The following LRRC4C variants were observed in gnomAD, a reference collection of about 807,000 sequenced individuals.
LRRC4C encodes leucine-rich repeat-containing protein 4C.
A neutral mutation model predicts 33.6 loss-of-function variants in LRRC4C; 5 were observed. That is an observed-to-expected ratio of 0.15 (90% confidence interval 0.08 to 0.31). The LOEUF is 0.31. LRRC4C is among the 10% of genes least tolerant of loss of function. LRRC4C has a pLI of 1.00. For synonymous variants in LRRC4C, 329 were observed against 302.0 expected (o/e 1.09, Z -0.93); for missense variants, 560 against 796.7 (o/e 0.70, Z 3.58).
intron 1 of LRRC4C, among the ~76,000 whole-genome samples, chr11:41,208,421 T>G (rs998892144): frequency 6.6e-6 from 1 of 152,180 alleles, no homozygotes; most frequent in Non-Finnish European, 1.5e-5. Flanking sequence ...CTGTGCATGT[T>G]GCCAAAAAAT....
rs72885161 is a variant in LRRC4C at position 40,547,330 on chromosome 11, A to G, written c.-270+100812T>C. ...CATGGCACTGAAAGGCTAAAGTACTAGAAGTGATCTTGAAGCCAAATTCTG... is the reference window on the plus strand; with the variant it reads ...CATGGCACTGAAAGGCTAAAGTACTGGAAGTGATCTTGAAGCCAAATTCTG... On this transcript the variant is annotated intron_variant, in intron 3 of 6. Transcript: ENST00000528697. Among the ~76,000 whole-genome samples the G allele has an allele frequency of 3.6e-3, 544 of 152,202 alleles. 2 individuals are homozygous for G. Among genetic ancestry groups the G allele is most frequent in the Non-Finnish European group, 6.0e-3 (406 of 67,976 alleles).
At chr11:40,238,298 A>G (rs1865702100) in intron 5 of LRRC4C, among the ~76,000 whole-genome samples, 1 of 152,158 alleles carries the variant, frequency 6.6e-6, no homozygotes, top group African/African-American at 2.4e-5. Context: ...ATGTTCTTAA[A>G]TATCTGTAAG....
At chr11:41,287,895 C>T (rs992530683) in intron 1 of LRRC4C, among the ~76,000 whole-genome samples, 2 of 152,090 alleles carry the variant, frequency 1.3e-5, no homozygotes, top group Non-Finnish European at 2.9e-5. Flanking sequence ...GCTTCCATGT[C>T]ACTTTAACTA....
chr11:41,419,557 A>G (rs1320019912), intron 1 of LRRC4C, among the ~76,000 whole-genome samples: 1 of 151,970 alleles, frequency 6.6e-6, no homozygotes, highest in Non-Finnish European at 1.5e-5. Flanking sequence ...AAAGGTCACA[A>G]TGGTGAGAGA....
intron 3 of LRRC4C, among the ~76,000 whole-genome samples, chr11:40,630,939 T>A (rs1376415435): frequency 6.6e-6 from 1 of 152,208 alleles, no homozygotes; most frequent in African/African-American, 2.4e-5. Context: ...TTTCTGTGCA[T>A]CTTAAACAGA....
intron 1 of LRRC4C, among the ~76,000 whole-genome samples, chr11:41,103,888 G>C (rs1018046413): frequency 4.6e-5 from 7 of 151,920 alleles, no homozygotes; most frequent in Admixed American, 2.6e-4. Context: ...TGAAAGGATA[G>C]CAACTACCAC....
intron 2 of LRRC4C, among the ~76,000 whole-genome samples, chr11:40,689,234 G>C (rs932848405): frequency 1.3e-5 from 2 of 151,910 alleles, no homozygotes. Context: ...TCTGTACTAC[G>C]AATGTTCACA....
chr11:41,048,037 G>A (rs1305145250), intron 1 of LRRC4C, among the ~76,000 whole-genome samples: 1 of 152,114 alleles, frequency 6.6e-6, no homozygotes, highest in East Asian at 1.9e-4. Flanking sequence ...AGTTATTTTT[G>A]TCCCTGCCAT....
rs939913516 is a variant in LRRC4C, at chr11:41,068,401, C to CA, written c.-495-134679dup. Among the ~76,000 whole-genome samples, 126 of 146,746 alleles carry CA rather than the reference C, an allele frequency of 8.6e-4. 2 individuals carry two copies. Among genetic ancestry groups the CA allele is most frequent in the East Asian group, 2.4e-3 (12 of 4,994 alleles). On this transcript the variant is annotated intron_variant, in intron 1 of 6. Transcript: ENST00000528697. ...GTGGGACTCCGTCCCCTCCCCCCAACAAAAAAAAATAAATAAATAAAATAA... is the reference window on the plus strand; with the variant it reads ...GTGGGACTCCGTCCCCTCCCCCCAACAAAAAAAAAATAAATAAATAAAATAA...
At chr11:41,430,656 A>C (rs568763681) in intron 1 of LRRC4C, among the ~76,000 whole-genome samples, 6 of 152,246 alleles carry the variant, frequency 3.9e-5, no homozygotes, top group Admixed American at 3.3e-4. Context: ...ACAGAACTCA[A>C]TTTTGTTTTT....
chr11:40,530,728 C>T (rs922767222), intron 3 of LRRC4C, among the ~76,000 whole-genome samples: 2 of 152,042 alleles, frequency 1.3e-5, no homozygotes, highest in Non-Finnish European at 2.9e-5. Flanking sequence ...GATAAGGCCC[C>T]GTCACAAATA....
At chr11:40,321,270 A>C (rs973419604) in intron 3 of LRRC4C, among the ~76,000 whole-genome samples, 2 of 152,224 alleles carry the variant, frequency 1.3e-5, no homozygotes, top group African/African-American at 4.8e-5. Flanking sequence ...TGTCTTGAAA[A>C]AACAATACAT....
intron 5 of LRRC4C, among the ~76,000 whole-genome samples, chr11:40,152,501 C>A (rs1018937213): frequency 6.6e-6 from 1 of 152,162 alleles, no homozygotes; most frequent in Admixed American, 6.5e-5. Context: ...AGGGGAAGAA[C>A]TAAAGCCATT....
chr11:41,067,276 T>C (rs1938319425), intron 1 of LRRC4C, among the ~76,000 whole-genome samples: 1 of 152,182 alleles, frequency 6.6e-6, no homozygotes, highest in Non-Finnish European at 1.5e-5. Flanking sequence ...TCCTAGCCTC[T>C]GATGAAATAG....
Position 40,696,748 on chromosome 11 carries a change from G to GTATATATATATA in LRRC4C, c.-406-48482_-406-48471dup, listed in dbSNP as rs57752272. On this transcript the variant is annotated intron_variant, in intron 2 of 6. Coordinates refer to ENST00000528697, the MANE Select transcript of LRRC4C (RefSeq NM_001258419.2). ...GTCTCTGTGCATATATATACACTGT[G>GTATATATATATA]TATATATATATATATATATATATAT... 4.7e-3 allele frequency among the ~76,000 whole-genome samples: 595 copies of GTATATATATATA among 125,792 alleles called. 7 individuals carry two copies. Among genetic ancestry groups the GTATATATATATA allele is most frequent in the African/African-American group, 0.016 (511 of 31,902 alleles). 82.5% of individuals were successfully genotyped at this position (125,792 alleles called of 152,430 possible). A position where few individuals can be genotyped will look rare whatever the true frequency, so the allele number is the denominator to read the frequency against.
chr11:41,218,317 A>G (rs1410184677), intron 1 of LRRC4C, among the ~76,000 whole-genome samples: 1 of 152,222 alleles, frequency 6.6e-6, no homozygotes, highest in African/African-American at 2.4e-5. Flanking sequence ...TCACATATCT[A>G]TGGTTTACTG....
intron 5 of LRRC4C, among the ~76,000 whole-genome samples, chr11:40,183,235 G>A (rs541634259): frequency 8.6e-5 from 13 of 151,976 alleles, no homozygotes; most frequent in African/African-American, 2.7e-4. Context: ...CCATTCATTC[G>A]ATTGCAATGG....
At position 40,936,841 on chromosome 11, in the gene LRRC4C, C is replaced by G. The variant is rs928424249; in HGVS notation, c.-495-3118G>C. 2.0e-5 allele frequency among the ~76,000 whole-genome samples: 3 copies of G among 152,228 alleles called. No individual in the cohort carries two copies. The South Asian group carries it at 6.2e-4, about 32-fold the overall frequency. ...GGTAAAATTGGGATGCCAACCTAGA[C>G]AGCTTTCTAACACAAAAACAAGTTC... On this transcript the variant is annotated intron_variant, in intron 1 of 6. Coordinates refer to ENST00000528697, the MANE Select transcript of LRRC4C (RefSeq NM_001258419.2).
At chr11:40,385,993 A>T (rs1016720766) in intron 3 of LRRC4C, among the ~76,000 whole-genome samples, 32 of 151,360 alleles carry the variant, frequency 2.1e-4, no homozygotes, top group African/African-American at 7.5e-4. Context: ...TCTCAGCAAC[A>T]TGCAATTTAA....
Sources: gnomAD v4.1 joint callset for allele counts (sites outside exome capture counted in the v4.1 genomes callset) on GRCh38, gnomAD v4.1.1 for gene constraint, MANE v1.5 for transcripts, NCBI Gene and HGNC (gene_info 2026-07-23, HGNC 2026-07-21) for gene names.